The following NXF3 variants were observed in gnomAD, a reference collection of about 807,000 sequenced individuals.
NXF3 encodes the protein nuclear RNA export factor 3, also known as TAP-like protein 3.
Under a neutral mutation model 48.4 loss-of-function variants are expected in NXF3, and 34 were observed. The ratio of observed to expected loss-of-function variants is 0.70; its 90% CI spans 0.53 to 0.93. The LOEUF (loss-of-function observed/expected upper bound fraction) is 0.93, where lower values mean the gene tolerates loss of function less well. Among genes scored for constraint, NXF3 ranks in the 40% least tolerant of loss-of-function variants. NXF3 has a pLI of 0.00. For synonymous variants in NXF3, 132 were observed against 145.7 expected (o/e 0.91, Z 0.68); for missense variants, 359 against 406.1 (o/e 0.88, Z 1.00).
intron 1 of NXF3, among the ~76,000 whole-genome samples, chrX:103,091,145 C>T (rs1251970236): frequency 8.9e-6 from 1 of 111,863 alleles, no homozygotes; most frequent in Non-Finnish European, 1.9e-5. Context: ...CAGGGAGAGT[C>T]CTAACAGTGT....
intron 18 of NXF3, among the ~76,000 whole-genome samples, 189 bp downstream of exon 18, chrX:103,077,425 T>C (rs1921898700): frequency 9.1e-6 from 1 of 109,864 alleles, no homozygotes; most frequent in Non-Finnish European, 1.9e-5. Context: ...TAATTTTTTT[T>C]CTATTTTTAG....
chrX:103,087,210 CTA>C (rs1922178221), intron 1 of NXF3: 2 of 791,452 alleles, frequency 2.5e-6, no homozygotes, highest in South Asian at 4.9e-5. Context: ...TGCCTGAAAA[CTA>C]TTTAAAAATG....
intron 1 of NXF3, among the ~76,000 whole-genome samples, chrX:103,092,699 C>A (rs374068306): frequency 1.0e-3 from 114 of 112,805 alleles, no homozygotes; most frequent in Middle Eastern, 4.6e-3. Context: ...GTAATACAAT[C>A]TACCTTGAAT....
chrX:103,088,293 T>C (rs1467928466), intron 1 of NXF3: 2 of 562,846 alleles, frequency 3.6e-6, no homozygotes, highest in Non-Finnish European at 5.8e-6. Flanking sequence ...TCTTGAAAAA[T>C]TGTGATCGTA....
chrX:103,079,543 C>G (rs921413399), intron 14 of NXF3, 41 bp downstream of exon 14: 1 of 1,192,716 alleles, frequency 8.4e-7, no homozygotes, highest in African/African-American at 1.8e-5. Context: ...GTTCCTGTCA[C>G]ACCCCCTTAC....
At chrX:103,076,075 G>A in intron 19 of NXF3, 75 bp from the exon 20 acceptor site, 1 of 416,784 alleles carries the variant, frequency 2.4e-6, no homozygotes, top group Non-Finnish European at 4.2e-6. Flanking sequence ...TTAGGGCTTT[G>A]TTTTCAGGAT....
rs1368349297 is a variant in NXF3 at position 103,080,902 on chromosome X, T to G, written c.891-290A>C. On this transcript the variant is annotated intron_variant, in intron 9 of 19. Coordinates refer to ENST00000395065, the MANE Select transcript of NXF3 (RefSeq NM_022052.2). ...CTACCTCACTGGATGTCCGTCAGTC[T>G]GCCTGTCCTGGCCCTGGCCAAGACC... 1.4e-5 allele frequency: 5 copies of G among 352,223 alleles called. 1 individual carries two copies. Among genetic ancestry groups the G allele is most frequent in the Middle Eastern group, 1.6e-3 (2 of 1,225 alleles). 29.0% of individuals were successfully genotyped at this position (352,223 alleles called of 1,213,427 possible). A position where few individuals can be genotyped will look rare whatever the true frequency, so the allele number is the denominator to read the frequency against.
Position 103,078,576 on chromosome X carries a change from G to A in NXF3, c.1435C>T (p.Pro479Ser), listed in dbSNP as rs1921927868. 1 of 1,212,071 alleles carries A rather than the reference G, an allele frequency of 8.3e-7. No homozygotes were observed. The highest frequency in any genetic ancestry group is 3.0e-5 in the East Asian group (1 of 33,848). The change falls in exon 17 of 20, where the codon CCT (proline) becomes TCT (serine). Residue 479 changes from proline to serine, a missense_variant. By Grantham distance (74) the Pro-to-Ser change is moderately conservative (BLOSUM62 -1). Coordinates refer to ENST00000395065, the MANE Select transcript of NXF3 (RefSeq NM_022052.2). Reference sequence around the variant, plus strand: ...AGCACTAACCTGGAACTGCTGCCAGGGGTAGCAATGAAGGTCCGGGTGAAG... The same window carrying A: ...AGCACTAACCTGGAACTGCTGCCAGAGGTAGCAATGAAGGTCCGGGTGAAG... Reference protein sequence around the residue: ...LAFTRTFIATPGSSSSLCIVN... With the variant: ...LAFTRTFIATSGSSSSLCIVN...
At chrX:103,088,615 A>G in intron 1 of NXF3, 1 of 967,499 alleles carries the variant, frequency 1.0e-6, no homozygotes, top group Non-Finnish European at 1.4e-6. Context: ...TACGTACTAG[A>G]CATAAGATAT....
chrX:103,087,197 T>C (rs1922177833), intron 1 of NXF3: 2 of 723,514 alleles, frequency 2.8e-6, no homozygotes, highest in Admixed American at 5.4e-5. Flanking sequence ...CTGAAGAATA[T>C]GATGCCTGAA....
At chrX:103,079,145 G>A (rs1296397360) in intron 16 of NXF3, 76 bp downstream of exon 16, 3 of 988,904 alleles carry the variant, frequency 3.0e-6, no homozygotes, top group Admixed American at 4.4e-5. Context: ...GGGAAGCTGG[G>A]GGAGTTCTGA....
rs1602893185 is a variant in NXF3 at position 103,091,784 on chromosome X, G to A, written c.28+1212C>T. ...GTGGATCACGAGGTCAGGAGATCGA[G>A]ACCATCCTGGCTAACACCGTGAAAC... On this transcript the variant is annotated intron_variant, in intron 1 of 19. Transcript: ENST00000395065. Among the ~76,000 whole-genome samples, 3 of 109,932 alleles carry A rather than the reference G, an allele frequency of 2.7e-5. 1 individual carries two copies.
rs371513942 is a variant in NXF3 at position 103,079,417 on chromosome X, G to A, written c.1277C>T (p.Ala426Val). Residue 426 changes from alanine (A) to valine (V), a missense_variant, in exon 15 of 20, where the codon GCG becomes GTG. Ala to Val is a moderately conservative substitution (Grantham distance 64). Transcript: ENST00000395065. ...TKLDIVDSLS[A>V]LPKTQHDLSS... Reference sequence around the variant, plus strand: ...GAGGTCATGCTGAGTTTTAGGCAACGCACTGAGGGAGTCCACAATATCAAG... The same window carrying A: ...GAGGTCATGCTGAGTTTTAGGCAACACACTGAGGGAGTCCACAATATCAAG... 9.0e-4 allele frequency: 1,084 copies of A among 1,209,478 alleles called. 8 individuals are homozygous for A. The South Asian group carries it at 0.017, about 19-fold the overall frequency.
In NXF3 at chrX:103,084,490, G is replaced by A; in HGVS notation, c.203C>T (p.Pro68Leu). ...AHMDSPVRYT[P>L]YTISPYNRKG... is the part of the protein sequence containing the mutation. ...CCGATTATAGGGTGAAATAGTATAG[G>A]GAGTGCTGTGAGCAAGTGGAGAAAA... Residue 68 changes from proline (P) to leucine (L), a missense_variant, in exon 3 of 20, where the codon CCC becomes CTC. By Grantham distance (98) the Pro-to-Leu change is moderately conservative. Transcript: ENST00000395065. 2 of 1,211,398 alleles carry A rather than the reference G, an allele frequency of 1.7e-6. No individual in the cohort carries two copies. Among genetic ancestry groups the A allele is most frequent in the Non-Finnish European group, 2.2e-6 (2 of 895,282 alleles).
chrX:103,079,586 G>C lies in NXF3; in HGVS notation c.1217C>G (p.Pro406Arg), dbSNP rs747172956. ...AGACTTCTCCATCACACACTTACAG[G>C]GGTCCTTGAGAATTTTTATATTCCT... Reference protein sequence around the residue: ...DSRNIKILKDPYLRGELLKHT... With the variant: ...DSRNIKILKDRYLRGELLKHT... Residue 406 changes from proline (P) to arginine (R), a missense_variant and splice_region_variant, in exon 14 of 20, where the codon CCC (proline) becomes CGC (arginine). Transcript: ENST00000395065. 3.3e-6 allele frequency: 4 copies of C among 1,207,950 alleles called. No homozygotes were observed. In the African/African-American group the frequency reaches 7.0e-5, roughly 21 times the overall value.
intron 3 of NXF3, among the ~76,000 whole-genome samples, chrX:103,084,108 G>A (rs183305928): frequency 5.4e-5 from 6 of 110,903 alleles, no homozygotes; most frequent in African/African-American, 2.0e-4. Flanking sequence ...CTTAGCATTC[G>A]TTTCCTCCTT....
chrX:103,092,035 G>T (rs1282139229), intron 1 of NXF3, among the ~76,000 whole-genome samples: 6 of 108,601 alleles, frequency 5.5e-5, no homozygotes, highest in Non-Finnish European at 9.6e-5. Context: ...ATATTAGATG[G>T]TCTGTTGCAT....
At chrX:103,090,913 C>G (rs1922257237) in intron 1 of NXF3, among the ~76,000 whole-genome samples, 1 of 111,913 alleles carries the variant, frequency 8.9e-6, no homozygotes, top group Non-Finnish European at 1.9e-5. Context: ...ATATGTTCTT[C>G]CAGTGCAGGC....
chrX:103,081,394 A>G (rs1343244914), intron 9 of NXF3: 2 of 112,205 alleles, frequency 1.8e-5, no homozygotes, highest in Non-Finnish European at 3.8e-5. Flanking sequence ...TGGGGTTCAG[A>G]GTCTGGGGAC....
Sources: allele counts gnomAD v4.1 joint callset (sites outside exome capture counted in the v4.1 genomes callset), GRCh38; gene constraint gnomAD v4.1.1; transcripts MANE v1.5; gene names NCBI Gene and HGNC (gene_info 2026-07-23, HGNC 2026-07-21).